ZFHX3: variants seen among roughly 807,000 people sequenced by gnomAD.
ZFHX3 encodes the protein zinc finger homeobox protein 3.
In ZFHX3, 42 loss-of-function variants were observed where a neutral mutation model predicts 279.1. The ratio of observed to expected loss-of-function variants is 0.15; its 90% confidence interval spans 0.12 to 0.19. ZFHX3 has a LOEUF of 0.19. Ranked by LOEUF, ZFHX3 falls within the 10% of genes least tolerant of loss-of-function variation. The pLI, the probability that ZFHX3 is intolerant of heterozygous loss-of-function variation, is 1.00. For missense variants in ZFHX3, 4,981 were observed against 4,754.0 expected (o/e 1.05, Z -1.40); for synonymous variants, 2,293 against 1,957.8 (o/e 1.17, Z -4.52).
At chr16:73,354,480 C>A (rs2016301879) in intron 3 of ZFHX3, among the ~76,000 whole-genome samples, 1 of 152,204 alleles carries the variant, frequency 6.6e-6, no homozygotes, top group African/African-American at 2.4e-5. Flanking sequence ...TGCTGGGGGG[C>A]ATGCCCATAT....
At chr16:73,206,744 A>G (rs1304157818) in intron 5 of ZFHX3, among the ~76,000 whole-genome samples, 4 of 152,262 alleles carry the variant, frequency 2.6e-5, no homozygotes, top group East Asian at 1.9e-4. Flanking sequence ...TAGGCCGGGC[A>G]TGGTGGCTCA....
chr16:73,329,035 G>T (rs1337481860), intron 3 of ZFHX3, among the ~76,000 whole-genome samples: 1 of 152,202 alleles, frequency 6.6e-6, no homozygotes, highest in Non-Finnish European at 1.5e-5. Flanking sequence ...GGTACATTCA[G>T]TTCAGACTTT....
chr16:73,212,741 C>G (rs2012063302), intron 5 of ZFHX3, among the ~76,000 whole-genome samples: 2 of 152,192 alleles, frequency 1.3e-5, no homozygotes, highest in African/African-American at 4.8e-5. Flanking sequence ...AAAATTCTTG[C>G]AGAGTATTGA....
chr16:73,335,377 A>G (rs1597289562), intron 3 of ZFHX3, among the ~76,000 whole-genome samples: 1 of 152,246 alleles, frequency 6.6e-6, no homozygotes, highest in Non-Finnish European at 1.5e-5. Context: ...AAAGAACCCA[A>G]CAACTGAGTA....
At chr16:73,800,269 G>A (rs1247133336) in intron 1 of ZFHX3, among the ~76,000 whole-genome samples, 2 of 151,692 alleles carry the variant, frequency 1.3e-5, no homozygotes, top group Non-Finnish European at 2.9e-5. Context: ...CCAGGCTGGA[G>A]CACAGTGACG....
chr16:72,829,911 G>A, intron 4 of ZFHX3, 52 bp from the exon 5 acceptor site: 1 of 1,603,690 alleles, frequency 6.2e-7, no homozygotes, highest in Non-Finnish European at 8.5e-7. Flanking sequence ...GAAGATGAAG[G>A]ACTTTTGGCC....
At chr16:73,550,652 C>G (rs538045667) in intron 2 of ZFHX3, among the ~76,000 whole-genome samples, 1 of 152,088 alleles carries the variant, frequency 6.6e-6, no homozygotes, top group African/African-American at 2.4e-5. Flanking sequence ...ATTTTTATTT[C>G]TTGCTTTGAT....
intron 2 of ZFHX3, among the ~76,000 whole-genome samples, chr16:73,461,499 A>G (rs968440436): frequency 1.5e-4 from 23 of 152,252 alleles, no homozygotes; most frequent in African/African-American, 5.5e-4. Context: ...TCTTTTTTCT[A>G]AAAGTTGTAT....
intron 2 of ZFHX3, among the ~76,000 whole-genome samples, chr16:73,529,671 C>G (rs2019759851): frequency 6.6e-6 from 1 of 152,200 alleles, no homozygotes; most frequent in Non-Finnish European, 1.5e-5. Flanking sequence ...AGTCATACCT[C>G]TGAGGAAGTC....
At chr16:73,436,324 C>CA (rs201900402) in intron 3 of ZFHX3, among the ~76,000 whole-genome samples, 2 of 152,048 alleles carry the variant, frequency 1.3e-5, no homozygotes, top group East Asian at 1.9e-4. Context: ...TCCGTCTCAA[C>CA]AAAAAAGAGG....
chr16:73,498,300 G>A (rs1465101256), intron 2 of ZFHX3, among the ~76,000 whole-genome samples: 1 of 152,182 alleles, frequency 6.6e-6, no homozygotes. Context: ...TTTTGGTAGG[G>A]AAACATTGGG....
At position 73,487,670 on chromosome 16, in the gene ZFHX3, G is replaced by A. The variant is rs2018998266; in HGVS notation, c.-1546-31412C>T. 17 of 217,964 alleles carry A rather than the reference G, an allele frequency of 7.8e-5. 1 individual carries two copies. The South Asian group carries it at 9.7e-4, about 12-fold the overall frequency. 13.5% of individuals were successfully genotyped at this position (217,964 alleles called of 1,614,324 possible). ...GATACTCACCTCAGCCTCCCAAAGT[G>A]ATGGAATTACAGGCGTGAGCCACTG... On this transcript the variant is annotated intron_variant, in intron 2 of 17. Coordinates refer to the ZFHX3 transcript ENST00000641206.
intron 1 of ZFHX3, among the ~76,000 whole-genome samples, chr16:73,857,591 G>A (rs1466492415): frequency 2.0e-5 from 3 of 152,154 alleles, no homozygotes; most frequent in Non-Finnish European, 4.4e-5. Flanking sequence ...CTCGTGAAAC[G>A]TGGGATACGT....
At chr16:72,834,012 C>T (rs986849573) in intron 4 of ZFHX3, among the ~76,000 whole-genome samples, 3 of 152,034 alleles carry the variant, frequency 2.0e-5, no homozygotes, top group African/African-American at 7.3e-5. Flanking sequence ...TTTGAGAGGC[C>T]GAGGTAGGTG....
intron 5 of ZFHX3, among the ~76,000 whole-genome samples, chr16:73,202,544 C>T (rs538667682): frequency 3.9e-5 from 6 of 152,138 alleles, no homozygotes; most frequent in Non-Finnish European, 7.3e-5. Flanking sequence ...CTGCTGGAGT[C>T]GAAATGACTA....
At chr16:73,383,292 G>A (rs2016845903) in intron 3 of ZFHX3, among the ~76,000 whole-genome samples, 1 of 152,178 alleles carries the variant, frequency 6.6e-6, no homozygotes, top group African/African-American at 2.4e-5. Flanking sequence ...ACAGCAGCTG[G>A]AGTGACAGGC....
intron 1 of ZFHX3, among the ~76,000 whole-genome samples, chr16:73,845,937 C>T (rs1961438638): frequency 6.6e-6 from 1 of 152,126 alleles, no homozygotes; most frequent in Non-Finnish European, 1.5e-5. Flanking sequence ...ACTCAGCCTC[C>T]TGAGTAGCTG....
intron 1 of ZFHX3, among the ~76,000 whole-genome samples, chr16:73,782,074 C>T (rs750644023): frequency 6.6e-6 from 1 of 152,164 alleles, no homozygotes; most frequent in South Asian, 2.1e-4. Flanking sequence ...GTCTCCATTG[C>T]CCAGTGCAGA....
intron 3 of ZFHX3, among the ~76,000 whole-genome samples, chr16:72,912,828 G>A (rs746026145): frequency 2.7e-4 from 41 of 152,110 alleles, no homozygotes; most frequent in Admixed American, 1.3e-4. Context: ...AGGTTCAAGC[G>A]ACTTCCCGGC....
Sources: gnomAD v4.1 joint callset for allele counts (sites outside exome capture counted in the v4.1 genomes callset) on GRCh38, gnomAD v4.1.1 for gene constraint, MANE v1.5 for transcripts, NCBI Gene and HGNC (gene_info 2026-07-23, HGNC 2026-07-21) for gene names.